Variants in CHST9 observed in about 807,000 individuals in gnomAD.
The protein encoded by CHST9 is carbohydrate sulfotransferase 9, also known as GalNAc-4-sulfotransferase 2.
In CHST9, 41 loss-of-function variants were observed where a neutral mutation model predicts 44.4. The ratio of observed to expected loss-of-function variants is 0.92; its 90% CI spans 0.72 to 1.20. CHST9 has a LOEUF of 1.20. Ranked by LOEUF, CHST9 falls within the 50% of genes most tolerant of loss-of-function variation. CHST9 has a pLI of 0.00. For missense variants in CHST9, 504 were observed against 516.5 expected (o/e 0.98, Z 0.23); for synonymous variants, 171 against 178.4 (o/e 0.96, Z 0.33).
At chr18:27,022,887 G>A (rs1264410851) in intron 4 of CHST9, among the ~76,000 whole-genome samples, 1 of 152,208 alleles carries the variant, frequency 6.6e-6, no homozygotes, top group African/African-American at 2.4e-5. Flanking sequence ...TGGGCTACCA[G>A]TAAAGTGAAG....
chr18:27,046,965 G>T (rs1272334973), intron 3 of CHST9, among the ~76,000 whole-genome samples: 1 of 152,076 alleles, frequency 6.6e-6, no homozygotes, highest in Non-Finnish European at 1.5e-5. Context: ...TTGCCTTAAA[G>T]ATTTTCCATT....
intron 3 of CHST9, among the ~76,000 whole-genome samples, chr18:27,035,916 G>A (rs1457571826): frequency 2.0e-5 from 3 of 152,006 alleles, no homozygotes; most frequent in African/African-American, 7.2e-5. Context: ...GTGAGGTGAT[G>A]GATATGTTAA....
At chr18:26,967,258 T>C (rs191109915) in intron 4 of CHST9, among the ~76,000 whole-genome samples, 2 of 152,288 alleles carry the variant, frequency 1.3e-5, no homozygotes, top group Non-Finnish European at 2.9e-5. Context: ...CTGAATGCTA[T>C]GTAGGAAGCT....
chr18:27,110,811 C>T (rs1356978463), intron 2 of CHST9, among the ~76,000 whole-genome samples: 3 of 152,214 alleles, frequency 2.0e-5, no homozygotes, highest in Non-Finnish European at 4.4e-5. Flanking sequence ...TGACCTAAGG[C>T]TAGTGGTTCT....
intron 2 of CHST9, among the ~76,000 whole-genome samples, chr18:27,085,547 T>C (rs1467432827): frequency 1.3e-5 from 2 of 152,070 alleles, no homozygotes; most frequent in African/African-American, 2.4e-5. Context: ...ATCAGAGACT[T>C]GCAAATCAAA....
intron 2 of CHST9, among the ~76,000 whole-genome samples, chr18:27,110,065 A>T (rs903661097): frequency 5.9e-5 from 9 of 152,292 alleles, no homozygotes; most frequent in Admixed American, 4.6e-4. Flanking sequence ...CAGGGTTTCA[A>T]CACATTAAAA....
chr18:26,974,928 G>C (rs1438686251), intron 4 of CHST9, among the ~76,000 whole-genome samples: 1 of 152,174 alleles, frequency 6.6e-6, no homozygotes, highest in Admixed American at 6.5e-5. Flanking sequence ...ACCTGCCTCG[G>C]ACTTCCAAAG....
At chr18:27,158,474 T>C (rs1203848252) in intron 1 of CHST9, among the ~76,000 whole-genome samples, 1 of 150,726 alleles carries the variant, frequency 6.6e-6, no homozygotes, top group Non-Finnish European at 1.5e-5. Flanking sequence ...ATGGTGTATA[T>C]GTACCACAAT....
At chr18:26,954,610 A>G (rs1039303866) in intron 4 of CHST9, among the ~76,000 whole-genome samples, 1 of 151,922 alleles carries the variant, frequency 6.6e-6, no homozygotes, top group Non-Finnish European at 1.5e-5. Flanking sequence ...TCTTTTGCAC[A>G]TGCTGTTATC....
chr18:26,936,105 A>AGAT (rs1482922156), intron 5 of CHST9: 1 of 152,204 alleles, frequency 6.6e-6, no homozygotes, highest in African/African-American at 2.4e-5. Flanking sequence ...AGAAGTCCGT[A>AGAT]GATAGATATC....
At chr18:27,162,951 C>T (rs1449495388) in intron 1 of CHST9, among the ~76,000 whole-genome samples, 1 of 151,888 alleles carries the variant, frequency 6.6e-6, no homozygotes, top group African/African-American at 2.4e-5. Flanking sequence ...TTTTATCTAC[C>T]TTTGGTCTTT....
chr18:27,024,744 C>T (rs2057265550), intron 3 of CHST9, among the ~76,000 whole-genome samples: 1 of 152,070 alleles, frequency 6.6e-6, no homozygotes, highest in African/African-American at 2.4e-5. Context: ...GGCAAGCAAC[C>T]CCACGGATAT....
chr18:26,992,734 A>AG (rs1215698672), intron 4 of CHST9, among the ~76,000 whole-genome samples: 3 of 152,180 alleles, frequency 2.0e-5, no homozygotes, highest in Non-Finnish European at 4.4e-5. Flanking sequence ...CTGGAAAAGG[A>AG]GAAGAACGGG....
In CHST9 at chr18:26,916,173, G is replaced by A. The variant is rs1006562540; in HGVS notation, c.*86C>T. The A allele has an allele frequency of 1.4e-4, 155 of 1,097,584 alleles. No homozygotes were observed. The highest frequency in any genetic ancestry group is 1.9e-4 in the Non-Finnish European group (148 of 762,302). The allele number at this position is 1,097,584 out of a possible 1,614,324, so 68.0% of individuals were successfully genotyped here. Reference sequence around the variant, plus strand: ...GACAACTGCACTTGGTTAAATTTCTGTCATACAGAGAATTATAGAAAAATT... The same window carrying A: ...GACAACTGCACTTGGTTAAATTTCTATCATACAGAGAATTATAGAAAAATT... On this transcript the variant is annotated 3_prime_UTR_variant, in exon 6 of 6. Coordinates refer to ENST00000618847, the MANE Select transcript of CHST9 (RefSeq NM_031422.6).
At chr18:27,099,688 G>C (rs8094873) in intron 2 of CHST9, among the ~76,000 whole-genome samples, 65,966 of 151,682 alleles carry the variant, frequency 0.43, 14,879 homozygotes, top group East Asian at 0.65. Flanking sequence ...GTCAGAATAG[G>C]TATTGGTTTA....
At chr18:27,010,382 C>G (rs993344963) in intron 4 of CHST9, among the ~76,000 whole-genome samples, 1 of 152,142 alleles carries the variant, frequency 6.6e-6, no homozygotes, top group Non-Finnish European at 1.5e-5. Context: ...ATTGGCCACA[C>G]ATGAATATTA....
chr18:26,963,191 A>G lies in CHST9; in HGVS notation c.203-18825T>C, dbSNP rs1205999794. On this transcript the variant is annotated intron_variant, in intron 4 of 5. Transcript: ENST00000618847. ...CAAGTCAGTCTGCCTCTCAACATAG[A>G]GTTCTTTCCACTGTCTCAAACTGTC... Among the ~76,000 whole-genome samples the G allele has an allele frequency of 2.0e-5, 3 of 152,154 alleles. No individual in the cohort carries two copies. In the East Asian group the frequency reaches 5.8e-4, roughly 29 times the overall value.
At chr18:27,123,242 C>G (rs1411551241) in intron 2 of CHST9, among the ~76,000 whole-genome samples, 1 of 152,150 alleles carries the variant, frequency 6.6e-6, no homozygotes, top group Non-Finnish European at 1.5e-5. Flanking sequence ...TGAGATGGAG[C>G]TAAGCTGAAA....
intron 4 of CHST9, among the ~76,000 whole-genome samples, chr18:26,979,883 C>T (rs895335983): frequency 1.3e-5 from 2 of 152,160 alleles, no homozygotes; most frequent in Non-Finnish European, 2.9e-5. Context: ...ATTGTTACTA[C>T]ACTACAATTA....
Sources: allele counts gnomAD v4.1 joint callset (sites outside exome capture counted in the v4.1 genomes callset), GRCh38; gene constraint gnomAD v4.1.1; transcripts MANE v1.5; gene names NCBI Gene and HGNC (gene_info 2026-07-23, HGNC 2026-07-21).